DHCR24: variants seen among roughly 807,000 people sequenced by gnomAD.
The protein encoded by DHCR24 is 24-dehydrocholesterol reductase, also known as delta(24)-sterol reductase.
Under a neutral mutation model 61.2 loss-of-function variants are expected in DHCR24, and 28 were observed. The observed-to-expected ratio is 0.46, with a 90% CI of 0.34 to 0.63. The LOEUF (loss-of-function observed/expected upper bound fraction) is 0.63, where lower values mean the gene tolerates loss of function less well. Among genes scored for constraint, DHCR24 ranks in the 20% least tolerant of loss-of-function variants. The pLI is 0.01. For synonymous variants in DHCR24, 261 were observed against 275.9 expected, an observed-to-expected ratio of 0.95 and a Z score of 0.54; for missense variants, 538 against 679.1, an observed-to-expected ratio of 0.79 and a Z score of 2.31.
chr1:54,852,132 G>T lies in DHCR24; in HGVS notation c.*101C>A. On this transcript the variant is annotated 3_prime_UTR_variant, in exon 9 of 9. Transcript: ENST00000371269. ...CTGTCAGGGTGGGAGTTCTGGAGGG[G>T]TTTCTCTTTGAAAGTGTGGATCTAG... is the stretch of plus-strand genomic sequence containing the variant. 6.8e-7 allele frequency: 1 copy of T among 1,461,980 alleles called. No homozygotes were observed. The highest frequency in any genetic ancestry group is 9.4e-7 in the Non-Finnish European group (1 of 1,065,068). The allele number at this position is 1,461,980 out of a possible 1,614,324, so 90.6% of individuals were successfully genotyped here. A position where few individuals can be genotyped will look rare whatever the true frequency, so the allele number is the denominator to read the frequency against.
intron 4 of DHCR24, among the ~76,000 whole-genome samples, chr1:54,873,831 G>C (rs1647012542): frequency 6.6e-6 from 1 of 152,148 alleles, no homozygotes. Context: ...TGTATTGTTT[G>C]TAGACCATGT....
intron 5 of DHCR24, among the ~76,000 whole-genome samples, chr1:54,869,119 C>T (rs1646983089): frequency 6.6e-6 from 1 of 152,058 alleles, no homozygotes; most frequent in Non-Finnish European, 1.5e-5. Flanking sequence ...GTGATCACTG[C>T]TGAAGACAAA....
chr1:54,881,494 T>G (rs1267402282), intron 2 of DHCR24, among the ~76,000 whole-genome samples: 2 of 152,162 alleles, frequency 1.3e-5, no homozygotes, highest in African/African-American at 4.8e-5. Flanking sequence ...AAATAACAGA[T>G]GCTGGTGAAG....
intron 3 of DHCR24, among the ~76,000 whole-genome samples, chr1:54,875,675 G>T (rs1051717595): frequency 2.3e-4 from 35 of 152,250 alleles, no homozygotes; most frequent in African/African-American, 7.9e-4. Flanking sequence ...GTGTTCCATG[G>T]GGGGGAATTG....
chr1:54,854,270 CCAA>C (rs747314711), intron 6 of DHCR24, 36 bp from the exon 7 acceptor site: 1 of 1,586,704 alleles, frequency 6.3e-7, no homozygotes, highest in Non-Finnish European at 8.6e-7. Context: ...GAGAAAAAAA[CCAA>C]CAAGGGTTGA....
intron 1 of DHCR24, among the ~76,000 whole-genome samples, chr1:54,884,014 G>A (rs146084663): frequency 1.1e-4 from 16 of 152,344 alleles, no homozygotes; most frequent in African/African-American, 2.9e-4. Context: ...AGAGAGGATC[G>A]AAGTGTTCTG....
chr1:54,886,190 T>A (rs977774110), intron 1 of DHCR24, among the ~76,000 whole-genome samples: 1 of 152,116 alleles, frequency 6.6e-6, no homozygotes, highest in Non-Finnish European at 1.5e-5. Flanking sequence ...GGCTCCACTG[T>A]GAGCCACAGC....
intron 2 of DHCR24, among the ~76,000 whole-genome samples, chr1:54,879,327 A>G (rs1260954746): frequency 0.046 from 331 of 7,226 alleles, 10 homozygotes; most frequent in East Asian, 0.4. Context: ...CATCTGAAAA[A>G]AAAAAAAAAA....
intron 6 of DHCR24, among the ~76,000 whole-genome samples, chr1:54,863,896 A>G (rs1053660866): frequency 4.6e-5 from 7 of 152,198 alleles, no homozygotes; most frequent in Admixed American, 3.9e-4. Flanking sequence ...AAAGGATTCA[A>G]ATAGACTTTT....
chr1:54,852,352 G>A lies in DHCR24; in HGVS notation c.1432C>T (p.Arg478Trp), dbSNP rs769143340. ...QMLYADCYMN[R>W]EEFWEMFDGS... The stretch of plus-strand genomic sequence containing the variant: ...TCAAACATCTCCCAGAACTCCTCCC[G>A]GTTCATGTAGCAGTCGGCATACAGC... The change falls in exon 9 of 9, where the codon CGG (arginine) becomes TGG (tryptophan). Residue 478 changes from arginine to tryptophan, a missense_variant. Arg to Trp is a moderately radical substitution (Grantham distance 101, BLOSUM62 -3). Coordinates refer to ENST00000371269, the MANE Select transcript of DHCR24 (RefSeq NM_014762.4). 8 of 1,614,032 alleles carry A rather than the reference G, an allele frequency of 5.0e-6. No homozygotes were observed. Among genetic ancestry groups the A allele is most frequent in the South Asian group, 2.2e-5 (2 of 91,086 alleles).
intron 6 of DHCR24, among the ~76,000 whole-genome samples, chr1:54,859,113 T>TC (rs1320968825): frequency 6.6e-6 from 1 of 152,186 alleles, no homozygotes. Flanking sequence ...TGCAGACTCT[T>TC]CCTTGGTCTC....
intron 6 of DHCR24, among the ~76,000 whole-genome samples, chr1:54,862,124 T>C (rs1646941373): frequency 1.3e-5 from 2 of 152,064 alleles, no homozygotes; most frequent in South Asian, 4.1e-4. Context: ...CAATATACCC[T>C]CTCTTCTGCA....
chr1:54,871,294 C>T, intron 5 of DHCR24, 56 bp downstream of exon 5: 1 of 1,608,388 alleles, frequency 6.2e-7, no homozygotes, highest in South Asian at 1.1e-5. Context: ...CGGCTCAGTC[C>T]TAGCACACTC....
chr1:54,868,299 T>C (rs1226854431), intron 5 of DHCR24, among the ~76,000 whole-genome samples: 10 of 151,906 alleles, frequency 6.6e-5, no homozygotes, highest in Non-Finnish European at 1.0e-4. Flanking sequence ...TGAAACCCCA[T>C]CTCTACTAAA....
intron 6 of DHCR24, among the ~76,000 whole-genome samples, chr1:54,863,687 G>T (rs1366232739): frequency 6.6e-6 from 1 of 152,126 alleles, no homozygotes; most frequent in Non-Finnish European, 1.5e-5. Flanking sequence ...AAACAAAAGG[G>T]AAAATAGATA....
intron 6 of DHCR24, among the ~76,000 whole-genome samples, chr1:54,862,870 A>T (rs1646946213): frequency 6.6e-6 from 1 of 151,954 alleles, no homozygotes; most frequent in Non-Finnish European, 1.5e-5. Flanking sequence ...AGGTCAGGAG[A>T]TCGAGACCAT....
At position 54,872,908 on chromosome 1, in the gene DHCR24, G is replaced by T. The variant is rs141394552; in HGVS notation, c.613-1295C>A. The stretch of plus-strand genomic sequence containing the variant: ...AGTCTTTCCTTGGGCCCTCTTCTGT[G>T]AAGTGAAGGAGTCGGGTGGCTCCCT... On this transcript the variant is annotated intron_variant, in intron 4 of 8. Coordinates refer to ENST00000371269, the MANE Select transcript of DHCR24 (RefSeq NM_014762.4). Among the ~76,000 whole-genome samples, 839 of 152,266 alleles carry T rather than the reference G, an allele frequency of 5.5e-3. 6 individuals are homozygous for T. The highest frequency in any genetic ancestry group is 0.018 in the African/African-American group (748 of 41,532).
intron 1 of DHCR24, among the ~76,000 whole-genome samples, chr1:54,885,757 A>G (rs895052525): frequency 2.6e-5 from 4 of 152,172 alleles, no homozygotes; most frequent in South Asian, 2.1e-4. Flanking sequence ...GGCGAGTCAC[A>G]TAACAGTCCC....
At chr1:54,860,533 G>A (rs1250373281) in intron 6 of DHCR24, among the ~76,000 whole-genome samples, 1 of 152,056 alleles carries the variant, frequency 6.6e-6, no homozygotes, top group African/African-American at 2.4e-5. Context: ...CCTCCCCCAT[G>A]CCCAGAAACC....
Sources: gnomAD v4.1 joint callset for allele counts (sites outside exome capture counted in the v4.1 genomes callset) on GRCh38, gnomAD v4.1.1 for gene constraint, MANE v1.5 for transcripts, NCBI Gene and HGNC (gene_info 2026-07-23, HGNC 2026-07-21) for gene names.